Variants in OR51B5 observed in about 807,000 individuals in gnomAD.
The protein encoded by OR51B5 is olfactory receptor family 51 subfamily B member 5.
For missense variants in OR51B5, 456 were observed against 374.6 expected (o/e 1.22, Z -1.79); for synonymous variants, 186 against 144.8 (o/e 1.28, Z -2.04).
At chr11:5,431,293 A>G in intron 1 of OR51B5, 1 of 311,570 alleles carries the variant, frequency 3.2e-6, no homozygotes, top group South Asian at 2.9e-5. Flanking sequence ...GTGAATGAAG[A>G]ACATCTGGGC....
At chr11:5,438,654 CA>C (rs1564813353) in intron 1 of OR51B5, among the ~76,000 whole-genome samples, 1 of 152,040 alleles carries the variant, frequency 6.6e-6, no homozygotes, top group East Asian at 1.9e-4. Context: ...GGGCATAAGT[CA>C]AGAAAAACTC....
chr11:5,502,974 G>A (rs1846319726), intron 1 of OR51B5, among the ~76,000 whole-genome samples: 1 of 152,150 alleles, frequency 6.6e-6, no homozygotes, highest in Non-Finnish European at 1.5e-5. Flanking sequence ...TTATTGAACT[G>A]TGAGTGTCAA....
At chr11:5,362,135 T>G (rs1180003395) in intron 1 of OR51B5, among the ~76,000 whole-genome samples, 3 of 152,244 alleles carry the variant, frequency 2.0e-5, no homozygotes, top group African/African-American at 7.2e-5. Flanking sequence ...AGAGAGAGCT[T>G]GTTGGTTCAC....
chr11:5,369,430 ACT>A (rs569723963), intron 1 of OR51B5, among the ~76,000 whole-genome samples: 26 of 152,266 alleles, frequency 1.7e-4, no homozygotes, highest in South Asian at 8.3e-4. Flanking sequence ...CCTCAGTAAA[ACT>A]CTATGAAACA....
chr11:5,399,679 G>T (rs6578634), intron 1 of OR51B5, among the ~76,000 whole-genome samples: 142,318 of 151,874 alleles, frequency 0.94, 67,108 homozygotes, highest in Non-Finnish European at 0.98. Context: ...AAACTCAGGA[G>T]AATGATTGTG....
At chr11:5,399,556 T>C (rs1368291993) in intron 1 of OR51B5, among the ~76,000 whole-genome samples, 2 of 152,188 alleles carry the variant, frequency 1.3e-5, no homozygotes, top group Admixed American at 1.3e-4. Context: ...CAGTCATCAC[T>C]GTCCCACATT....
intron 1 of OR51B5, chr11:5,441,264 A>G (rs1850684581): frequency 3.7e-6 from 6 of 1,613,992 alleles, no homozygotes; most frequent in Non-Finnish European, 5.1e-6. Context: ...GAAAGTAGAA[A>G]TCACAGTGGG....
At chr11:5,341,455 C>T (rs1402819921), downstream of OR51B5, 1 of 152,160 alleles carries the variant, frequency 6.6e-6, no homozygotes, top group African/African-American at 2.4e-5. Context: ...AAGACATAAA[C>T]AATATCTTCT....
At chr11:5,370,475 C>T (rs984745061) in intron 1 of OR51B5, among the ~76,000 whole-genome samples, 1 of 152,114 alleles carries the variant, frequency 6.6e-6, no homozygotes, top group African/African-American at 2.4e-5. Flanking sequence ...AATTTGAGGG[C>T]AATAATTTAA....
chr11:5,504,163 G>A (rs1240077941), intron 1 of OR51B5, among the ~76,000 whole-genome samples: 2 of 152,110 alleles, frequency 1.3e-5, no homozygotes, highest in East Asian at 1.9e-4. Context: ...ATATGGGCAT[G>A]TGTTTATGAT....
At chr11:5,355,112 C>CG (rs1849170129) in intron 1 of OR51B5, 1 of 178,806 alleles carries the variant, frequency 5.6e-6, no homozygotes, top group South Asian at 1.5e-4. Context: ...AGGAAGCTTA[C>CG]GGACTATGAC....
intron 1 of OR51B5, among the ~76,000 whole-genome samples, chr11:5,493,954 T>TA (rs1320704846): frequency 6.6e-6 from 1 of 152,214 alleles, no homozygotes; most frequent in Non-Finnish European, 1.5e-5. Context: ...TTAACCAGTA[T>TA]ATCTAGGATA....
At chr11:5,369,610 ATAAAG>A (rs1564924644) in intron 1 of OR51B5, among the ~76,000 whole-genome samples, 2 of 152,200 alleles carry the variant, frequency 1.3e-5, no homozygotes, top group Non-Finnish European at 2.9e-5. Flanking sequence ...TATATTAAAT[ATAAAG>A]TAAAGACCTT....
chr11:5,453,646 C>G, intron 1 of OR51B5: 1 of 1,613,586 alleles, frequency 6.2e-7, no homozygotes. Flanking sequence ...CGAGTGGAGC[C>G]CAGCCTCCAT....
chr11:5,429,418 G>A (rs9665744), intron 1 of OR51B5, among the ~76,000 whole-genome samples: 21,217 of 152,174 alleles, frequency 0.14, 1,792 homozygotes, highest in Non-Finnish European at 0.19. Context: ...TAAGCTGGAT[G>A]AGTCAAGGAG....
chr11:5,448,038 G>A (rs1377438867), intron 1 of OR51B5, among the ~76,000 whole-genome samples: 2 of 152,156 alleles, frequency 1.3e-5, no homozygotes, highest in East Asian at 1.9e-4. Context: ...AATTTGTAAG[G>A]TTTAATTATG....
chr11:5,497,518 G>C (rs146983687), intron 1 of OR51B5, among the ~76,000 whole-genome samples: 3 of 152,314 alleles, frequency 2.0e-5, no homozygotes, highest in Admixed American at 6.5e-5. Context: ...ACACTCTAGA[G>C]AGGGTATCCA....
Position 5,422,297 on chromosome 11 carries a change from G to A in OR51B5, n.85-75387C>T, listed in dbSNP as rs139705409. On this transcript the variant is annotated intron_variant and non_coding_transcript_variant, in intron 1 of 4. Transcript: ENST00000415970. ...CTCCCACATCTGGATCTCCATCCCC[G>A]TCTGCTGTCTCTACACCATCTCCAT... The A allele has an allele frequency of 7.1e-4, 1,148 of 1,613,952 alleles. 1 individual carries two copies. Among genetic ancestry groups the A allele is most frequent in the Non-Finnish European group, 9.1e-4 (1,072 of 1,179,962 alleles).
chr11:5,451,550 A>G (rs1264687094), intron 1 of OR51B5, among the ~76,000 whole-genome samples: 1 of 152,194 alleles, frequency 6.6e-6, no homozygotes, highest in Non-Finnish European at 1.5e-5. Flanking sequence ...ACACGGAGGG[A>G]CAGCCACTGC....
Sources: gnomAD v4.1 joint callset for allele counts (sites outside exome capture counted in the v4.1 genomes callset) on GRCh38, gnomAD v4.1.1 for gene constraint, MANE v1.5 for transcripts, NCBI Gene and HGNC (gene_info 2026-07-23, HGNC 2026-07-21) for gene names.